RRM1: variants seen among roughly 807,000 people sequenced by gnomAD.
RRM1 encodes the protein ribonucleotide reductase catalytic subunit M1, also known as ribonucleoside-diphosphate reductase large subunit.
A neutral mutation model predicts 101.5 loss-of-function variants in RRM1; 19 were observed. The ratio of observed to expected loss-of-function variants is 0.19; its 90% CI spans 0.13 to 0.27. The LOEUF (loss-of-function observed/expected upper bound fraction) is 0.27, where lower values mean the gene tolerates loss of function less well. RRM1 is among the 10% of genes least tolerant of loss of function. The pLI, the probability that RRM1 is intolerant of heterozygous loss-of-function variation, is 1.00. For synonymous variants in RRM1, 298 were observed against 323.4 expected, an observed-to-expected ratio of 0.92 and a Z score of 0.84; for missense variants, 500 against 962.9, an observed-to-expected ratio of 0.52 and a Z score of 6.36.
chr11:4,128,211 G>T (rs2094593157), intron 14 of RRM1, among the ~76,000 whole-genome samples: 1 of 150,138 alleles, frequency 6.7e-6, no homozygotes, highest in Non-Finnish European at 1.5e-5. Context: ...ACCCAGGCTG[G>T]AGTGTGTGGT....
intron 8 of RRM1, among the ~76,000 whole-genome samples, 197 bp downstream of exon 8, chr11:4,118,658 A>G (rs2094577372): frequency 6.6e-6 from 1 of 152,142 alleles, no homozygotes; most frequent in Non-Finnish European, 1.5e-5. Flanking sequence ...ATTTGACTAG[A>G]TAATCTCTAG....
chr11:4,114,186 A>G (rs555099914), intron 7 of RRM1, among the ~76,000 whole-genome samples: 1 of 152,200 alleles, frequency 6.6e-6, no homozygotes, highest in Non-Finnish European at 1.5e-5. Flanking sequence ...ACATCTGTAT[A>G]GGACAGTTAT....
At chr11:4,098,319 T>C (rs60596368) in intron 1 of RRM1, among the ~76,000 whole-genome samples, 2 of 137,716 alleles carry the variant, frequency 1.5e-5, no homozygotes, top group South Asian at 5.3e-4. Context: ...CCTCCCTTCC[T>C]TCCCTCCCTC....
chr11:4,137,747 C>G (rs1171533541), intron 18 of RRM1, among the ~76,000 whole-genome samples: 1 of 27,014 alleles, frequency 3.7e-5, no homozygotes, highest in African/African-American at 1.0e-4. Flanking sequence ...GTAGGGGCGG[C>G]CGGGCAGAGG....
chr11:4,128,650 A>G (rs2094593935), intron 14 of RRM1, among the ~76,000 whole-genome samples: 1 of 152,188 alleles, frequency 6.6e-6, no homozygotes, highest in Admixed American at 6.5e-5. Context: ...TTTACTATAT[A>G]AAATGTTAAT....
At chr11:4,121,254 A>G (rs958743273) in intron 9 of RRM1, among the ~76,000 whole-genome samples, 10 of 152,202 alleles carry the variant, frequency 6.6e-5, no homozygotes, top group Admixed American at 6.5e-4. Context: ...AGCATGGCTT[A>G]TACTGTCAAA....
intron 6 of RRM1, 39 bp downstream of exon 6, chr11:4,111,679 C>T (rs750230648): frequency 3.3e-6 from 5 of 1,517,064 alleles, no homozygotes; most frequent in Admixed American, 1.8e-5. Flanking sequence ...ATTTTCTACT[C>T]ATTATATTGA....
chr11:4,121,018 TCAAA>T (rs1419631763), intron 9 of RRM1, among the ~76,000 whole-genome samples: 4 of 151,908 alleles, frequency 2.6e-5, no homozygotes, highest in Non-Finnish European at 4.4e-5. Context: ...AGAACTTGTC[TCAAA>T]CAAAACAGAA....
Position 4,132,149 on chromosome 11 carries a change from G to T in RRM1, c.1770-137G>T. On this transcript the variant is annotated intron_variant, in intron 15 of 18. Transcript: ENST00000300738. The surrounding 1 kb of genome is among the most constrained non-coding windows in gnomAD (Gnocchi z 4.1). Reference sequence around the variant, plus strand: ...GTAGGAGTTTAATTTGAAAGTCAACGTGTGAGTTCAATGCATGTACGATGT... The same window carrying T: ...GTAGGAGTTTAATTTGAAAGTCAACTTGTGAGTTCAATGCATGTACGATGT... 2.4e-6 allele frequency: 2 copies of T among 833,394 alleles called. No individual in the cohort carries two copies. Among genetic ancestry groups the T allele is most frequent in the Non-Finnish European group, 3.8e-6 (2 of 525,052 alleles). The allele number at this position is 833,394 out of a possible 1,614,324, so 51.6% of individuals were successfully genotyped here.
chr11:4,134,144 G>A (rs966816920), intron 17 of RRM1, among the ~76,000 whole-genome samples: 2 of 151,850 alleles, frequency 1.3e-5, no homozygotes, highest in East Asian at 1.9e-4. Context: ...CACCACGCCC[G>A]GCTGTTTTTT....
At chr11:4,124,444 A>T (rs1277536893) in intron 12 of RRM1, among the ~76,000 whole-genome samples, 3 of 152,260 alleles carry the variant, frequency 2.0e-5, no homozygotes, top group Non-Finnish European at 2.9e-5. Flanking sequence ...CTAAGGTTAC[A>T]GTTTAATTCA....
At chr11:4,095,158 C>T (rs1310303320) in intron 1 of RRM1, 127 bp downstream of exon 1, 2 of 1,202,890 alleles carry the variant, frequency 1.7e-6, no homozygotes, top group African/African-American at 3.0e-5. Context: ...CCGCCGCGGC[C>T]TTCCGCCCTG....
At chr11:4,135,765 G>A (rs576491752) in intron 18 of RRM1, among the ~76,000 whole-genome samples, 5 of 152,034 alleles carry the variant, frequency 3.3e-5, no homozygotes, top group East Asian at 1.9e-4. Flanking sequence ...TTAGCTAGTC[G>A]TTGCCAGCTG....
intron 4 of RRM1, among the ~76,000 whole-genome samples, chr11:4,108,530 G>A (rs1000260922): frequency 4.8e-5 from 7 of 145,464 alleles, no homozygotes; most frequent in African/African-American, 1.8e-4. Flanking sequence ...CCCGGGAGGC[G>A]GAGCTTGCAG....
In RRM1 at chr11:4,100,999, G is replaced by A. The variant is rs554958407; in HGVS notation, c.20-994G>A. 9.9e-5 allele frequency among the ~76,000 whole-genome samples: 15 copies of A among 152,214 alleles called. No homozygotes were observed. In the South Asian group the frequency reaches 3.1e-3, roughly 32 times the overall value. On this transcript the variant is annotated intron_variant, in intron 1 of 18. Coordinates refer to ENST00000300738, the MANE Select transcript of RRM1 (RefSeq NM_001033.5). ...AGACTTTTTTGTCTAGAAGGACAAAGATATAATCTAAGTCCAAAATCATGA... is the reference window on the plus strand; with the variant it reads ...AGACTTTTTTGTCTAGAAGGACAAAAATATAATCTAAGTCCAAAATCATGA...
At chr11:4,126,196 G>A (rs1229368847) in intron 12 of RRM1, among the ~76,000 whole-genome samples, 2 of 152,214 alleles carry the variant, frequency 1.3e-5, no homozygotes, top group East Asian at 3.8e-4. Context: ...AGGTGGACGT[G>A]TGTGTTTTGA....
chr11:4,135,946 T>C (rs2094608933), intron 18 of RRM1, among the ~76,000 whole-genome samples: 1 of 151,360 alleles, frequency 6.6e-6, no homozygotes, highest in Non-Finnish European at 1.5e-5. Flanking sequence ...TCTTATAGTC[T>C]GTTGTTACAC....
chr11:4,110,037 C>T (rs1343010616), intron 5 of RRM1, among the ~76,000 whole-genome samples: 12 of 152,188 alleles, frequency 7.9e-5, no homozygotes, highest in African/African-American at 2.9e-4. Context: ...TGTCAGTGTC[C>T]ACCTGAATTC....
intron 15 of RRM1, among the ~76,000 whole-genome samples, chr11:4,131,031 G>A (rs1355251866): frequency 6.6e-6 from 1 of 152,096 alleles, no homozygotes; most frequent in Non-Finnish European, 1.5e-5. Flanking sequence ...TGTATTAGTC[G>A]ATTCTCACAC....
Sources: gnomAD v4.1 joint callset for allele counts (sites outside exome capture counted in the v4.1 genomes callset) on GRCh38, gnomAD v4.1.1 for gene constraint, Gnocchi (gnomAD v3.1) non-coding constraint, MANE v1.5 for transcripts, NCBI Gene and HGNC (gene_info 2026-07-23, HGNC 2026-07-21) for gene names.